The following PCDH9 variants were observed in gnomAD, a reference collection of about 807,000 sequenced individuals.
PCDH9 encodes the protein protocadherin 9.
A neutral mutation model predicts 70.6 loss-of-function variants in PCDH9; 24 were observed. The observed-to-expected ratio is 0.34, with a 90% CI of 0.25 to 0.48. The LOEUF is 0.48. Ranked by LOEUF, PCDH9 falls within the 20% of genes least tolerant of loss-of-function variation. The pLI is 0.99. For synonymous variants in PCDH9, 562 were observed against 558.5 expected (o/e 1.01, Z -0.09); for missense variants, 1,281 against 1,503.6 (o/e 0.85, Z 2.45).
intron 4 of PCDH9, among the ~76,000 whole-genome samples, chr13:66,365,759 A>G (rs1343615273): frequency 6.6e-6 from 1 of 152,132 alleles, no homozygotes; most frequent in Non-Finnish European, 1.5e-5. Flanking sequence ...TTTTGTCTTT[A>G]AACCCCTAGT....
chr13:66,781,722 T>C lies in PCDH9; in HGVS notation c.3138+121782A>G, dbSNP rs552768497. On this transcript the variant is annotated intron_variant, in intron 3 of 4. Transcript: ENST00000377865. ...TAAATTCATGTATTTTAAAAGGTAT[T>C]TTTGAGATTTGGATGCTTCAAGTGT... 1.5e-4 allele frequency among the ~76,000 whole-genome samples: 23 copies of C among 152,310 alleles called. No homozygotes were observed. In the East Asian group the frequency reaches 3.3e-3, roughly 22 times the overall value.
At chr13:66,619,670 GGACCTAGGTT>G (rs1210930668) in intron 4 of PCDH9, among the ~76,000 whole-genome samples, 1 of 152,104 alleles carries the variant, frequency 6.6e-6, no homozygotes, top group Non-Finnish European at 1.5e-5. Flanking sequence ...CAATGAATTA[GGACCTAGGTT>G]AATCTGACTC....
intron 3 of PCDH9, among the ~76,000 whole-genome samples, chr13:66,638,228 C>T (rs1331941413): frequency 6.6e-6 from 1 of 152,136 alleles, no homozygotes; most frequent in East Asian, 1.9e-4. Context: ...AGCTCCTTGC[C>T]ATCAGTCCTG....
intron 4 of PCDH9, among the ~76,000 whole-genome samples, chr13:66,494,719 A>G (rs887158814): frequency 6.6e-6 from 1 of 152,170 alleles, no homozygotes; most frequent in Non-Finnish European, 1.5e-5. Context: ...AGTTTGTGGG[A>G]TATTTCACAA....
intron 2 of PCDH9, among the ~76,000 whole-genome samples, chr13:67,181,128 G>T (rs770529180): frequency 6.6e-6 from 1 of 152,096 alleles, no homozygotes; most frequent in African/African-American, 2.4e-5. Context: ...TCTATAAAAG[G>T]CATTAACATA....
At chr13:66,824,947 G>T (rs1336064778) in intron 3 of PCDH9, among the ~76,000 whole-genome samples, 1 of 151,612 alleles carries the variant, frequency 6.6e-6, no homozygotes, top group Non-Finnish European at 1.5e-5. Flanking sequence ...ATCTCAAGCT[G>T]CAGGGTATTT....
chr13:67,082,153 A>G (rs2085997440), intron 2 of PCDH9, among the ~76,000 whole-genome samples: 1 of 152,218 alleles, frequency 6.6e-6, no homozygotes, highest in Non-Finnish European at 1.5e-5. Context: ...AGTAAACAAT[A>G]CAGTATTGTT....
At position 66,461,313 on chromosome 13, in the gene PCDH9, CA is replaced by C. The variant is rs935537763; in HGVS notation, c.3341-156286del. 2.1e-3 allele frequency among the ~76,000 whole-genome samples: 314 copies of C among 151,084 alleles called. 1 individual carries two copies. The highest frequency in any genetic ancestry group is 3.5e-3 in the Non-Finnish European group (235 of 67,618). ...CAAAACTAAATAAATCATCTTTAGC[CA>C]AAAAAAATTTCTTAATCTTCAAGTT... On this transcript the variant is annotated intron_variant, in intron 4 of 4. Coordinates refer to ENST00000377865, the MANE Select transcript of PCDH9 (RefSeq NM_203487.3).
chr13:67,027,525 A>G (rs1276163902), intron 2 of PCDH9, among the ~76,000 whole-genome samples: 1 of 151,982 alleles, frequency 6.6e-6, no homozygotes, highest in East Asian at 1.9e-4. Flanking sequence ...CTTCATGTCT[A>G]AAACACCAAA....
chr13:66,307,316 G>A (rs1383706993), intron 4 of PCDH9, among the ~76,000 whole-genome samples: 1 of 151,956 alleles, frequency 6.6e-6, no homozygotes, highest in East Asian at 1.9e-4. Flanking sequence ...GGTGATCTAC[G>A]AACAATGTTA....
Position 66,601,036 on chromosome 13 carries a change from T to C in PCDH9, c.3340+30174A>G, listed in dbSNP as rs760355766. 2.9e-4 allele frequency among the ~76,000 whole-genome samples: 42 copies of C among 145,396 alleles called. 5 individuals are homozygous for C. The highest frequency in any genetic ancestry group is 3.6e-3 in the Middle Eastern group (1 of 280). On this transcript the variant is annotated intron_variant, in intron 4 of 4. Transcript: ENST00000377865. Reference sequence around the variant, plus strand: ...TCCCAGGGGCACACCTGGGATTCATTTGTACACTTCTATGAAGTCAGGCTA... The same window carrying C: ...TCCCAGGGGCACACCTGGGATTCATCTGTACACTTCTATGAAGTCAGGCTA...
intron 4 of PCDH9, among the ~76,000 whole-genome samples, chr13:66,352,760 T>C (rs143112835): frequency 6.6e-6 from 1 of 152,154 alleles, no homozygotes. Flanking sequence ...TAATAACCCA[T>C]CTTGTCACTT....
chr13:66,613,773 G>C (rs2138878272), intron 4 of PCDH9, among the ~76,000 whole-genome samples: 1 of 151,906 alleles, frequency 6.6e-6, no homozygotes, highest in African/African-American at 2.4e-5. Flanking sequence ...CAATTAATTT[G>C]GCCTAAATAA....
intron 3 of PCDH9, among the ~76,000 whole-genome samples, chr13:66,744,307 T>C (rs1486272655): frequency 6.6e-6 from 1 of 152,206 alleles, no homozygotes; most frequent in Non-Finnish European, 1.5e-5. Context: ...AATATTTATT[T>C]ATGAAAAAGA....
intron 3 of PCDH9, among the ~76,000 whole-genome samples, chr13:66,860,190 G>C (rs1277986852): frequency 6.6e-6 from 1 of 152,118 alleles, no homozygotes; most frequent in East Asian, 1.9e-4. Context: ...TCTGTTTTTG[G>C]CTAGGGATAA....
At chr13:66,322,167 A>T (rs916629919) in intron 4 of PCDH9, among the ~76,000 whole-genome samples, 2 of 151,880 alleles carry the variant, frequency 1.3e-5, no homozygotes, top group African/African-American at 4.8e-5. Flanking sequence ...GCTTTTAAAA[A>T]TTTCTTTCTA....
intron 3 of PCDH9, among the ~76,000 whole-genome samples, chr13:66,789,080 C>T (rs943570826): frequency 6.6e-6 from 1 of 152,144 alleles, no homozygotes; most frequent in African/African-American, 2.4e-5. Context: ...GTTACAGCAA[C>T]AAACTTCTCC....
chr13:66,318,092 G>A (rs1156369026), intron 4 of PCDH9, among the ~76,000 whole-genome samples: 3 of 152,058 alleles, frequency 2.0e-5, no homozygotes, highest in Non-Finnish European at 4.4e-5. Flanking sequence ...CTCTCAGGGT[G>A]ATACATAGGA....
chr13:66,788,176 C>T (rs2080108699), intron 3 of PCDH9, among the ~76,000 whole-genome samples: 1 of 152,156 alleles, frequency 6.6e-6, no homozygotes, highest in East Asian at 1.9e-4. Context: ...TGATGAGGGC[C>T]TTCTTGTTAC....
Sources: allele counts gnomAD v4.1 joint callset (sites outside exome capture counted in the v4.1 genomes callset), GRCh38; gene constraint gnomAD v4.1.1; transcripts MANE v1.5; gene names NCBI Gene and HGNC (gene_info 2026-07-23, HGNC 2026-07-21).